The following PCDHA10 variants were observed in gnomAD, a reference collection of about 807,000 sequenced individuals.
PCDHA10 encodes protocadherin alpha-10.
A neutral mutation model predicts 61.2 loss-of-function variants in PCDHA10; 45 were observed. That is an observed-to-expected ratio of 0.74 (90% confidence interval 0.58 to 0.94). The LOEUF is 0.94. Among genes scored for constraint, PCDHA10 ranks in the 40% least tolerant of loss-of-function variants. PCDHA10 has a pLI of 0.00. For missense variants in PCDHA10, 1,278 were observed against 1,236.2 expected (o/e 1.03, Z -0.51); for synonymous variants, 602 against 548.8 (o/e 1.10, Z -1.35).
At chr5:140,929,205 G>T in intron 1 of PCDHA10, 1 of 1,614,120 alleles carries the variant, frequency 6.2e-7, no homozygotes, top group Non-Finnish European at 8.5e-7. Flanking sequence ...GTTTGCTGTT[G>T]CGTGGGGAGT....
intron 1 of PCDHA10, chr5:140,928,268 G>A: frequency 6.2e-7 from 1 of 1,614,164 alleles, no homozygotes; most frequent in Non-Finnish European, 8.5e-7. Context: ...GAAAACAATG[G>A]CCCTGGGGCC....
chr5:140,966,938 G>A (rs1159097726), intron 1 of PCDHA10: 1 of 1,604,146 alleles, frequency 6.2e-7, no homozygotes, highest in African/African-American at 1.3e-5. Context: ...CGGCGCGCTC[G>A]TGGGCAACGT....
At chr5:140,903,714 A>G (rs1159490924) in intron 1 of PCDHA10, among the ~76,000 whole-genome samples, 3 of 152,324 alleles carry the variant, frequency 2.0e-5, no homozygotes, top group African/African-American at 2.4e-5. Context: ...AAAATATACA[A>G]TTCTCCCTAT....
intron 3 of PCDHA10, among the ~76,000 whole-genome samples, chr5:141,002,136 G>C (rs2153972972): frequency 6.6e-6 from 1 of 152,374 alleles, no homozygotes; most frequent in East Asian, 1.9e-4. Flanking sequence ...GCCTTTGCCG[G>C]CTGCACTGAC....
intron 1 of PCDHA10, among the ~76,000 whole-genome samples, chr5:140,953,761 A>C (rs1016551787): frequency 6.6e-6 from 1 of 152,202 alleles, no homozygotes; most frequent in Non-Finnish European, 1.5e-5. Flanking sequence ...TCCAAGAATT[A>C]AATTTAATAT....
chr5:140,887,711 T>C (rs1486449046), intron 1 of PCDHA10, among the ~76,000 whole-genome samples: 1 of 152,198 alleles, frequency 6.6e-6, no homozygotes, highest in African/African-American at 2.4e-5. Context: ...ATACTTCTTC[T>C]AATAGTTTTT....
intron 2 of PCDHA10, among the ~76,000 whole-genome samples, chr5:140,980,713 C>A (rs1034858406): frequency 1.3e-5 from 2 of 151,364 alleles, no homozygotes; most frequent in Non-Finnish European, 2.9e-5. Context: ...TGCTCCTATT[C>A]GGGTTTCAAT....
intron 1 of PCDHA10, among the ~76,000 whole-genome samples, chr5:140,918,947 G>T (rs56003): frequency 0.32 from 48,109 of 152,058 alleles, 7,963 homozygotes; most frequent in East Asian, 0.53. Context: ...ATAATATCCT[G>T]AACAGACTAA....
At chr5:141,002,174 C>T (rs2098063920) in intron 3 of PCDHA10, among the ~76,000 whole-genome samples, 1 of 152,224 alleles carries the variant, frequency 6.6e-6, no homozygotes, top group Non-Finnish European at 1.5e-5. Context: ...AGGCAGGCTC[C>T]AGAGTGCTGT....
chr5:140,877,676 G>T (rs781985023), intron 1 of PCDHA10: 1 of 1,613,606 alleles, frequency 6.2e-7, no homozygotes, highest in South Asian at 1.1e-5. Context: ...TGCGCGCCGG[G>T]CAAGCCCACG....
chr5:141,009,563 C>T (rs1588242901), intron 3 of PCDHA10, 64 bp from the exon 4 acceptor site: 2 of 1,571,920 alleles, frequency 1.3e-6, no homozygotes, highest in Non-Finnish European at 1.7e-6. Flanking sequence ...TGTACTCTAC[C>T]AGCAGTGTGG....
chr5:140,869,415 C>T (rs1444507177), intron 1 of PCDHA10: 2 of 1,614,216 alleles, frequency 1.2e-6, no homozygotes, highest in South Asian at 1.1e-5. Context: ...AGTGCAGCAT[C>T]CACCTGGAGG....
rs192376340 is a variant in PCDHA10 at position 140,857,538 on chromosome 5, G to A, written c.1490G>A (p.Arg497Gln). The A allele has an allele frequency of 8.8e-6, 14 of 1,597,348 alleles. No individual in the cohort carries two copies. In the East Asian group the frequency reaches 3.1e-4, roughly 36 times the overall value. Residue 497 changes from arginine (R) to glutamine (Q), a missense_variant, in exon 1 of 4, where the codon CGG becomes CAG. Physicochemically the swap from Arg to Gln is conservative, Grantham distance 43. Transcript: ENST00000307360. ...ALVSYSLVER[R>Q]LGERSLSSYV... is the part of the protein sequence containing the mutation. ...GTGTCCTACTCTCTGGTGGAGCGGC[G>A]GTTGGGCGAGCGCTCGCTGTCGAGC... is the stretch of plus-strand genomic sequence containing the variant.
Position 140,882,813 on chromosome 5 carries a change from C to A in PCDHA10, c.2388+24377C>A, listed in dbSNP as rs782169035. 2 of 1,614,058 alleles carry A rather than the reference C, an allele frequency of 1.2e-6. No individual in the cohort carries two copies. The highest frequency in any genetic ancestry group is 3.3e-5 in the Admixed American group (2 of 60,002). On this transcript the variant is annotated intron_variant, in intron 1 of 3. Transcript: ENST00000307360. ...CCCAACGATTATTTCACTTTGGACG[C>A]ACAAAACAGTCTTGAGCAAATGTCT...
intron 2 of PCDHA10, chr5:140,982,259 G>A (rs2153828072): frequency 2.4e-6 from 2 of 820,856 alleles, no homozygotes; most frequent in South Asian, 4.9e-5. Context: ...GAACATGTGT[G>A]TTCCTGGAAT....
intron 1 of PCDHA10, chr5:140,926,758 G>C: frequency 2.3e-6 from 3 of 1,302,056 alleles, no homozygotes; most frequent in Non-Finnish European, 3.0e-6. Flanking sequence ...CGGTCGCTGA[G>C]TATCCAGCCC....
intron 1 of PCDHA10, among the ~76,000 whole-genome samples, chr5:140,900,673 A>G (rs936784929): frequency 3.3e-5 from 5 of 152,210 alleles, no homozygotes; most frequent in African/African-American, 1.2e-4. Flanking sequence ...GAGTGCAGTT[A>G]TCTCTTCAAT....
At chr5:140,981,019 T>C (rs1396794400) in intron 2 of PCDHA10, among the ~76,000 whole-genome samples, 1 of 152,124 alleles carries the variant, frequency 6.6e-6, no homozygotes, top group Non-Finnish European at 1.5e-5. Flanking sequence ...ACTTGAAGGC[T>C]GTTAATATTT....
intron 1 of PCDHA10, among the ~76,000 whole-genome samples, chr5:140,969,673 G>A (rs1226601717): frequency 3.3e-5 from 5 of 152,170 alleles, no homozygotes; most frequent in African/African-American, 9.7e-5. Flanking sequence ...AATGTTATGA[G>A]ACTCAAGGAG....
Sources: allele counts gnomAD v4.1 joint callset (sites outside exome capture counted in the v4.1 genomes callset), GRCh38; gene constraint gnomAD v4.1.1; transcripts MANE v1.5; gene names NCBI Gene and HGNC (gene_info 2026-07-23, HGNC 2026-07-21).